Variants in TSPEAR observed in about 807,000 individuals in gnomAD.
TSPEAR encodes the protein thrombospondin-type laminin G domain and EAR repeat-containing protein.
In TSPEAR, 69 loss-of-function variants were observed where a neutral mutation model predicts 71.6. That is an observed-to-expected ratio of 0.96 (90% CI 0.79 to 1.18). The LOEUF (loss-of-function observed/expected upper bound fraction) is 1.18, where lower values mean the gene tolerates loss of function less well. TSPEAR is among the 50% of genes most tolerant of loss of function. TSPEAR has a pLI of 0.00. For missense variants in TSPEAR, 971 were observed against 894.9 expected, an observed-to-expected ratio of 1.09 and a Z score of -1.09; for synonymous variants, 402 against 387.2, an observed-to-expected ratio of 1.04 and a Z score of -0.45.
chr21:44,656,720 T>G (rs1270759083), intron 1 of TSPEAR, among the ~76,000 whole-genome samples: 9 of 152,264 alleles, frequency 5.9e-5, no homozygotes, highest in Non-Finnish European at 1.0e-4. Flanking sequence ...TTAAATCATA[T>G]TTGGTGCCTT....
chr21:44,583,989 C>T (rs1326467698), intron 1 of TSPEAR, among the ~76,000 whole-genome samples: 1 of 152,208 alleles, frequency 6.6e-6, no homozygotes, highest in Non-Finnish European at 1.5e-5. Context: ...ACAGCTGAAG[C>T]TGTATCCTGT....
intron 2 of TSPEAR, chr21:44,540,302 C>T (rs1400324204): frequency 1.9e-5 from 24 of 1,285,888 alleles, no homozygotes; most frequent in Middle Eastern, 2.8e-4. Flanking sequence ...CCAGGGCCCA[C>T]AGCGTCCCCT....
chr21:44,601,597 CCCTCCTGCTGCGCCCCCACCT>C (rs1569213395), intron 1 of TSPEAR: 1 of 1,612,594 alleles, frequency 6.2e-7, no homozygotes. Flanking sequence ...CGTGCCCGTC[CCCTCCTGCTGCGCCCCCACCT>C]CCTCCTGCCA....
rs782149890 is a variant in TSPEAR at position 44,551,509 on chromosome 21, T to TGTGAGTGA, written c.303+16275_303+16276insTCACTCAC. 3,564 of 1,543,518 alleles carry TGTGAGTGA rather than the reference T, an allele frequency of 2.3e-3. 19 individuals are homozygous for TGTGAGTGA. The highest frequency in any genetic ancestry group is 2.1e-3 in the Non-Finnish European group (2,350 of 1,144,734). On this transcript the variant is annotated intron_variant, in intron 2 of 11. Transcript: ENST00000323084. ...GGGGAGGTGTGTGAGTGAGTGAGTG[T>TGTGAGTGA]GTGTGTGAGTGTGTGAGTGAGTGTG... is the stretch of plus-strand genomic sequence containing the variant.
chr21:44,534,646 G>A (rs1050119080), intron 2 of TSPEAR, among the ~76,000 whole-genome samples: 1 of 152,114 alleles, frequency 6.6e-6, no homozygotes, highest in African/African-American at 2.4e-5. Flanking sequence ...TGTTATGCTG[G>A]CGACACTGTG....
chr21:44,709,233 C>G (rs1158160180), intron 1 of TSPEAR, among the ~76,000 whole-genome samples: 1 of 152,216 alleles, frequency 6.6e-6, no homozygotes, highest in East Asian at 1.9e-4. Context: ...TGAGGGGTGC[C>G]GAGCCTAGGG....
intron 2 of TSPEAR, among the ~76,000 whole-genome samples, chr21:44,549,828 C>G (rs1444948370): frequency 6.6e-6 from 1 of 152,222 alleles, no homozygotes; most frequent in African/African-American, 2.4e-5. Context: ...GCCCAGCACA[C>G]GGAGCTCTGG....
In TSPEAR at chr21:44,579,822, G is replaced by A. The variant is rs747934442; in HGVS notation, c.83-11817C>T. 3.5e-5 allele frequency: 56 copies of A among 1,609,784 alleles called. No homozygotes were observed. The highest frequency in any genetic ancestry group is 4.5e-5 in the East Asian group (2 of 44,384). On this transcript the variant is annotated intron_variant, in intron 1 of 11. Transcript: ENST00000323084. The stretch of plus-strand genomic sequence containing the variant: ...AGGAGGGACACGCAGGAGGCCGGGC[G>A]GCAGCAGCTGGCCTGGTAGGAGGAG...
intron 1 of TSPEAR, among the ~76,000 whole-genome samples, chr21:44,698,372 G>C (rs576708611): frequency 2.6e-5 from 4 of 152,164 alleles, no homozygotes; most frequent in Non-Finnish European, 4.4e-5. Context: ...GGGCCCTCGC[G>C]CCCAGTCTCA....
rs1555910712 is a variant in TSPEAR at position 44,498,064 on chromosome 21, A to G, written c.*1719T>C. 2.0e-5 allele frequency: 3 copies of G among 152,192 alleles called. No individual in the cohort carries two copies. The highest frequency in any genetic ancestry group is 1.5e-5 in the Non-Finnish European group (1 of 68,052). The allele number at this position is 152,192 out of a possible 1,614,324, so 9.4% of individuals were successfully genotyped here. On this transcript the variant is annotated 3_prime_UTR_variant, in exon 12 of 12. Transcript: ENST00000323084. ...ACTGATTGCTCCATGCTGCAGGAGA[A>G]AAGGAGCAGGTGGGAACAGTCAGTT... is the stretch of plus-strand genomic sequence containing the variant.
At chr21:44,531,710 C>G (rs1187446903) in intron 3 of TSPEAR, among the ~76,000 whole-genome samples, 1 of 152,196 alleles carries the variant, frequency 6.6e-6, no homozygotes, top group Non-Finnish European at 1.5e-5. Flanking sequence ...CACTCACCCT[C>G]CCTCCACTGA....
At position 44,647,076 on chromosome 21, in the gene TSPEAR, T is replaced by C. The variant is rs782182619; in HGVS notation, c.82+64357A>G. 206 of 1,613,236 alleles carry C rather than the reference T, an allele frequency of 1.3e-4. 1 individual carries two copies. The highest frequency in any genetic ancestry group is 5.5e-4 in the South Asian group (50 of 91,024). On this transcript the variant is annotated intron_variant, in intron 1 of 11. Coordinates refer to ENST00000323084, the MANE Select transcript of TSPEAR (RefSeq NM_144991.3). ...ACTGCAAGCCCATCTGCTGTGTGCC[T>C]GTCTGCTCTAGGGCTTCCTCTTCAC... is the stretch of plus-strand genomic sequence containing the variant.
chr21:44,628,328 C>T, intron 1 of TSPEAR: 1 of 382,612 alleles, frequency 2.6e-6, no homozygotes, highest in South Asian at 3.2e-5. Context: ...GTCTCACCCC[C>T]AGCAGCGTCA....
rs201441480 is a variant in TSPEAR at position 44,574,731 on chromosome 21, C to A, written c.83-6726G>T. ...CTGCTGCGTGCCCGTCTGCTGCAAG[C>A]CTGTGAGCTGTGTGCCTGTTTGCTC... On this transcript the variant is annotated intron_variant, in intron 1 of 11. Transcript: ENST00000323084. 18 of 1,608,354 alleles carry A rather than the reference C, an allele frequency of 1.1e-5. No homozygotes were observed. The East Asian group carries it at 2.3e-4, about 20-fold the overall frequency.
In TSPEAR at chr21:44,593,123, C is replaced by G. The variant is rs961979131; in HGVS notation, c.83-25118G>C. On this transcript the variant is annotated intron_variant, in intron 1 of 11. Coordinates refer to ENST00000323084, the MANE Select transcript of TSPEAR (RefSeq NM_144991.3). This position sits in a 1 kb window ranked among gnomAD's most constrained non-coding sequence, Gnocchi z 5.9. ...TTGGAGGCAGCAGGACCTGTGTGTT[C>G]CAGGGCAAGGACGGTGGGCTTGGCC... is the stretch of plus-strand genomic sequence containing the variant. Among the ~76,000 whole-genome samples, 1 of 152,228 alleles carries G rather than the reference C, an allele frequency of 6.6e-6. No homozygotes were observed. Among genetic ancestry groups the G allele is most frequent in the Non-Finnish European group, 1.5e-5 (1 of 68,042 alleles).
At chr21:44,534,676 G>A (rs1196108107) in intron 2 of TSPEAR, among the ~76,000 whole-genome samples, 1 of 152,152 alleles carries the variant, frequency 6.6e-6, no homozygotes, top group Admixed American at 6.5e-5. Flanking sequence ...GAACTCTTGC[G>A]CACTGTTGGT....
Position 44,687,477 on chromosome 21 carries a change from C to T in TSPEAR, c.82+23956G>A, listed in dbSNP as rs1235622994. 2.0e-5 allele frequency among the ~76,000 whole-genome samples: 3 copies of T among 152,232 alleles called. No individual in the cohort carries two copies. The highest frequency in any genetic ancestry group is 1.9e-4 in the East Asian group (1 of 5,204). On this transcript the variant is annotated intron_variant, in intron 1 of 11. Coordinates refer to ENST00000323084, the MANE Select transcript of TSPEAR (RefSeq NM_144991.3). The surrounding 1 kb of genome is among the most constrained non-coding windows in gnomAD (Gnocchi z 4.4). ...CTGAGGGCGGCATTGCTTACGCACA[C>T]GGCAACAGGAACGCATCGCAGAAAC... is the stretch of plus-strand genomic sequence containing the variant.
chr21:44,637,723 C>G lies in TSPEAR; in HGVS notation c.83-69718G>C, dbSNP rs78817801. 3 of 1,242,586 alleles carry G rather than the reference C, an allele frequency of 2.4e-6. No homozygotes were observed. The South Asian group carries it at 4.8e-5, about 20-fold the overall frequency. The allele number at this position is 1,242,586 out of a possible 1,614,324, so 77.0% of individuals were successfully genotyped here. A position where few individuals can be genotyped will look rare whatever the true frequency, so the allele number is the denominator to read the frequency against. ...GCTGTGTGCCTGTCTGCTGTGTGCC[C>G]GTCTGCTGCGTGCCCGTCTGTAACA... On this transcript the variant is annotated intron_variant, in intron 1 of 11. Transcript: ENST00000323084.
In TSPEAR at chr21:44,508,969, C is replaced by T. The variant is rs1331349038; in HGVS notation, c.1754+230G>A. On this transcript the variant is annotated intron_variant, in intron 10 of 11. Coordinates refer to ENST00000323084, the MANE Select transcript of TSPEAR (RefSeq NM_144991.3). ...GGGGCAGAACTCCGCACACAGCACC[C>T]GGCTCTGGGAACCAAACCTGTGTCT... 1.4e-5 allele frequency: 21 copies of T among 1,534,634 alleles called. No individual in the cohort carries two copies. In the East Asian group the frequency reaches 2.3e-4, roughly 17 times the overall value.
Sources: allele counts gnomAD v4.1 joint callset (sites outside exome capture counted in the v4.1 genomes callset), GRCh38; gene constraint gnomAD v4.1.1; non-coding constraint Gnocchi (gnomAD v3.1); transcripts MANE v1.5; gene names NCBI Gene and HGNC (gene_info 2026-07-23, HGNC 2026-07-21).